Variants in DDX39A observed in about 807,000 individuals in gnomAD.
DDX39A encodes DExD-box helicase 39A.
DDX39A carries 13 observed loss-of-function variants against 46.3 expected under a neutral mutation model. The observed-to-expected ratio is 0.28, with a 90% confidence interval of 0.18 to 0.45. The LOEUF is 0.45. DDX39A is among the 20% of genes least tolerant of loss of function. The pLI, the probability that DDX39A is intolerant of heterozygous loss-of-function variation, is 1.00. For missense variants in DDX39A, 352 were observed against 581.8 expected (o/e 0.61, Z 4.06); for synonymous variants, 234 against 224.6 (o/e 1.04, Z -0.38).
At chr19:14,419,040 G>GCGGGCCC in intron 1 of DDX39A, 1 of 453,696 alleles carries the variant, frequency 2.2e-6, no homozygotes, top group Non-Finnish European at 4.4e-6. Flanking sequence ...CCTCCGAGAA[G>GCGGGCCC]CGGGCCCCGA....
At chr19:14,418,328 G>T (rs949102721) in intron 1 of DDX39A, among the ~76,000 whole-genome samples, 2 of 152,160 alleles carry the variant, frequency 1.3e-5, no homozygotes, top group Non-Finnish European at 2.9e-5. Flanking sequence ...GAACTTGAAA[G>T]GTGACAGCGG....
chr19:14,412,413 C>T lies in DDX39A; in HGVS notation c.336+138G>A, dbSNP rs530535597. On this transcript the variant is annotated intron_variant, in intron 3 of 10. Coordinates refer to ENST00000242776, the MANE Select transcript of DDX39A (RefSeq NM_005804.4). The surrounding 1 kb of genome is among the most constrained non-coding windows in gnomAD (Gnocchi z 4.4). ...GTGTGATCATAGCACACTGCAGCCT[C>T]GACTTCCTGGGCTCAAGCAATCCTC... 62 of 1,251,048 alleles carry T rather than the reference C, an allele frequency of 5.0e-5. No homozygotes were observed. Among genetic ancestry groups the T allele is most frequent in the South Asian group, 7.2e-5 (5 of 69,560 alleles). 77.5% of individuals were successfully genotyped at this position (1,251,048 alleles called of 1,614,324 possible).
chr19:14,411,442 G>A lies in DDX39A; in HGVS notation c.429+64C>T, dbSNP rs1052341673. On this transcript the variant is annotated intron_variant, in intron 4 of 10. Transcript: ENST00000242776. This position sits in a 1 kb window ranked among gnomAD's most constrained non-coding sequence, Gnocchi z 4.1. ...CTTGGTAAATGCTGGCTGGGCCAGA[G>A]CCGAGGCTAACAAAGCTGCAGAAAC... 2.7e-6 allele frequency: 4 copies of A among 1,491,462 alleles called. No homozygotes were observed. Among genetic ancestry groups the A allele is most frequent in the Non-Finnish European group, 3.7e-6 (4 of 1,070,274 alleles). 92.4% of individuals were successfully genotyped at this position (1,491,462 alleles called of 1,614,324 possible). A position where few individuals can be genotyped will look rare whatever the true frequency, so the allele number is the denominator to read the frequency against.
chr19:14,419,029 C>G, intron 1 of DDX39A: 1 of 455,020 alleles, frequency 2.2e-6, no homozygotes, highest in Non-Finnish European at 4.4e-6. Flanking sequence ...CCATGACAGC[C>G]CCTCCGAGAA....
Position 14,412,472 on chromosome 19 carries a change from G to A in DDX39A, c.336+79C>T. 5 of 1,534,006 alleles carry A rather than the reference G, an allele frequency of 3.3e-6. No homozygotes were observed. Among genetic ancestry groups the A allele is most frequent in the Non-Finnish European group, 3.5e-6 (4 of 1,141,396 alleles). ...GCTTCCCAAAGCACTGGGCTAACAG[G>A]TGTGAGCCACCCCATCCAGCCTACT... On this transcript the variant is annotated intron_variant, in intron 3 of 10. Coordinates refer to ENST00000242776, the MANE Select transcript of DDX39A (RefSeq NM_005804.4). The surrounding 1 kb of genome is among the most constrained non-coding windows in gnomAD (Gnocchi z 4.4).
chr19:14,409,059 C>T lies in DDX39A; in HGVS notation c.1245G>A (p.Glu415=). 1 of 1,614,228 alleles carries T rather than the reference C, an allele frequency of 6.2e-7. No homozygotes were observed. The highest frequency in any genetic ancestry group is 8.5e-7 in the Non-Finnish European group (1 of 1,180,046). ...RFEVNVAELP[E]EIDISTYIEQ... ...TACTGTATGTGGAGATGTCGATTTC[C>T]TCTGGAAGTTCTGCCACATTAACTT... Residue 415 remains glutamate (E), a synonymous_variant, in exon 10 of 11, where the codon GAG becomes GAA. Transcript: ENST00000242776. This position sits in a 1 kb window ranked among gnomAD's most constrained non-coding sequence, Gnocchi z 8.3.
Position 14,409,937 on chromosome 19 carries a change from A to G in DDX39A, c.733-64T>C. The stretch of plus-strand genomic sequence containing the variant: ...ACCTCTGGGCATCTCGCCTGCCCAG[A>G]ACCTTCCAGTGGGCGACTCCTTTGT... On this transcript the variant is annotated intron_variant, in intron 6 of 10. Transcript: ENST00000242776. This position sits in a 1 kb window ranked among gnomAD's most constrained non-coding sequence, Gnocchi z 8.3. The G allele has an allele frequency of 1.3e-6, 2 of 1,597,902 alleles. No individual in the cohort carries two copies. The highest frequency in any genetic ancestry group is 2.2e-5 in the South Asian group (2 of 90,436).
chr19:14,410,501 G>T lies in DDX39A; in HGVS notation c.614-167C>A. 1.6e-6 allele frequency: 1 copy of T among 645,096 alleles called. No homozygotes were observed. Among genetic ancestry groups the T allele is most frequent in the East Asian group, 2.7e-5 (1 of 36,560 alleles). The allele number at this position is 645,096 out of a possible 1,614,324, so 40.0% of individuals were successfully genotyped here. On this transcript the variant is annotated intron_variant, in intron 5 of 10. Coordinates refer to ENST00000242776, the MANE Select transcript of DDX39A (RefSeq NM_005804.4). The surrounding 1 kb of genome is among the most constrained non-coding windows in gnomAD (Gnocchi z 4.3). ...CCAGTCCTGGTGCCTGAGGGGCTGGGGGGTGGCCAGCGAGCGCAGGCGCGG... is the reference window on the plus strand; with the variant it reads ...CCAGTCCTGGTGCCTGAGGGGCTGGTGGGTGGCCAGCGAGCGCAGGCGCGG...
Position 14,409,779 on chromosome 19 carries a change from T to C in DDX39A, c.827A>G (p.Lys276Arg). The C allele has an allele frequency of 6.2e-7, 1 of 1,614,140 alleles. No individual in the cohort carries two copies. The highest frequency in any genetic ancestry group is 8.5e-7 in the Non-Finnish European group (1 of 1,180,026). ...VKLKDSEKNRKLFDLLDVLEF... is the reference protein window; with the variant it reads ...VKLKDSEKNRRLFDLLDVLEF... ...CAGCACATCCAAGAGATCAAAGAGCTTGCGGTTCTTCTCACTGTCTTTGAG... is the reference window on the plus strand; with the variant it reads ...CAGCACATCCAAGAGATCAAAGAGCCTGCGGTTCTTCTCACTGTCTTTGAG... The change falls in exon 7 of 11, where the codon AAG becomes AGG. Residue 276 changes from lysine (K) to arginine (R), a missense_variant. By Grantham distance (26) the Lys-to-Arg change is conservative (BLOSUM62 2). This residue lies in a region of DDX39A where 301 missense variants were observed against 469.9 expected (regional missense o/e 0.64). Transcript: ENST00000242776. This position sits in a 1 kb window ranked among gnomAD's most constrained non-coding sequence, Gnocchi z 8.3.
rs1334666092 is a variant in DDX39A, at chr19:14,412,921, C to T, written c.208+92G>A. 10 of 1,446,116 alleles carry T rather than the reference C, an allele frequency of 6.9e-6. No homozygotes were observed. Among genetic ancestry groups the T allele is most frequent in the South Asian group, 2.6e-5 (2 of 76,518 alleles). The allele number at this position is 1,446,116 out of a possible 1,614,324, so 89.6% of individuals were successfully genotyped here. On this transcript the variant is annotated intron_variant, in intron 2 of 10. Coordinates refer to ENST00000242776, the MANE Select transcript of DDX39A (RefSeq NM_005804.4). The surrounding 1 kb of genome is among the most constrained non-coding windows in gnomAD (Gnocchi z 4.4). ...GACAGACGGGCCCCTCCCTCACCCA[C>T]GGCAAACTGGAGGCGGCACCGCTCT...
chr19:14,412,795 G>C lies in DDX39A; in HGVS notation c.209-117C>G. 1 of 1,419,984 alleles carries C rather than the reference G, an allele frequency of 7.0e-7. No homozygotes were observed. The highest frequency in any genetic ancestry group is 9.5e-7 in the Non-Finnish European group (1 of 1,055,358). 88.0% of individuals were successfully genotyped at this position (1,419,984 alleles called of 1,614,324 possible). On this transcript the variant is annotated intron_variant, in intron 2 of 10. Transcript: ENST00000242776. The surrounding 1 kb of genome is among the most constrained non-coding windows in gnomAD (Gnocchi z 4.4). The stretch of plus-strand genomic sequence containing the variant: ...ATCAGAAGAGGCCGAGTCCGGACAA[G>C]GCCACAGACACCTGCAGGGCTGGGG...
chr19:14,413,339 G>T, intron 1 of DDX39A, 115 bp from the exon 2 acceptor site: 7 of 941,568 alleles, frequency 7.4e-6, no homozygotes, highest in Non-Finnish European at 1.1e-5. Context: ...GCTCTACCTG[G>T]GCTGCACCTC....
Position 14,411,692 on chromosome 19 carries a change from C to T in DDX39A, c.337-94G>A. ...ACCCAACCCAGTCCCCCTGACACTG[C>T]ACCCAACATCACAGGCCATTTGAAG... On this transcript the variant is annotated intron_variant, in intron 3 of 10. Transcript: ENST00000242776. This position sits in a 1 kb window ranked among gnomAD's most constrained non-coding sequence, Gnocchi z 4.1. 1.8e-6 allele frequency: 2 copies of T among 1,099,578 alleles called. No individual in the cohort carries two copies. The highest frequency in any genetic ancestry group is 1.3e-5 in the South Asian group (1 of 75,206). The allele number at this position is 1,099,578 out of a possible 1,614,324, so 68.1% of individuals were successfully genotyped here.
chr19:14,415,866 G>A, intron 1 of DDX39A: 1 of 159,216 alleles, frequency 6.3e-6, no homozygotes, highest in Non-Finnish European at 1.4e-5. Context: ...GAGGTCAGGA[G>A]TCCAGGACCA....
rs1220417267 is a variant in DDX39A, at chr19:14,408,843, A to G, written c.*93T>C. 1 of 1,497,662 alleles carries G rather than the reference A, an allele frequency of 6.7e-7. No individual in the cohort carries two copies. The highest frequency in any genetic ancestry group is 8.9e-7 in the Non-Finnish European group (1 of 1,119,336). The allele number at this position is 1,497,662 out of a possible 1,614,324, so 92.8% of individuals were successfully genotyped here. ...CTTCCATAATAACAAGTTTATTCTC[A>G]TACAATCTCTAGCTTCTCAACAGTG... On this transcript the variant is annotated 3_prime_UTR_variant, in exon 11 of 11. Transcript: ENST00000242776.
chr19:14,409,046 A>C lies in DDX39A; in HGVS notation c.1258T>G (p.Ser420Ala). The C allele has an allele frequency of 6.2e-7, 1 of 1,614,198 alleles. No individual in the cohort carries two copies. Among genetic ancestry groups the C allele is most frequent in the Non-Finnish European group, 8.5e-7 (1 of 1,180,032 alleles). Residue 420 changes from serine (S) to alanine (A), a missense_variant, in exon 10 of 11, where the codon TCC (serine) becomes GCC (alanine). Ser to Ala is a moderately conservative substitution (Grantham distance 99). This residue lies in a region of DDX39A where 301 missense variants were observed against 469.9 expected (regional missense o/e 0.64). Transcript: ENST00000242776. The surrounding 1 kb of genome is among the most constrained non-coding windows in gnomAD (Gnocchi z 8.3). The part of the protein sequence containing the change: ...VAELPEEIDI[S>A]TYIEQSR The stretch of plus-strand genomic sequence containing the variant: ...TGCCCAAGGCACTTACTGTATGTGG[A>C]GATGTCGATTTCCTCTGGAAGTTCT...
intron 1 of DDX39A, among the ~76,000 whole-genome samples, chr19:14,415,253 TTC>T (rs1976763623): frequency 6.6e-6 from 1 of 152,158 alleles, no homozygotes; most frequent in Non-Finnish European, 1.5e-5. Flanking sequence ...TCTGGCTTCT[TTC>T]ACTCAGCACA....
intron 1 of DDX39A, among the ~76,000 whole-genome samples, chr19:14,415,464 T>C (rs1976773931): frequency 6.6e-6 from 1 of 151,938 alleles, no homozygotes; most frequent in Non-Finnish European, 1.5e-5. Flanking sequence ...CCACCACTAA[T>C]TTTTGTATTT....
intron 1 of DDX39A, chr19:14,414,118 A>G (rs1057187099): frequency 3.9e-5 from 6 of 152,046 alleles, no homozygotes; most frequent in East Asian, 1.9e-4. Flanking sequence ...AGCTGCTACA[A>G]TTCTTCCTGA....
Sources: gnomAD v4.1 joint callset for allele counts (sites outside exome capture counted in the v4.1 genomes callset) on GRCh38, gnomAD v4.1.1 for gene constraint, gnomAD v4.1.1 regional missense constraint, Gnocchi (gnomAD v3.1) non-coding constraint, MANE v1.5 for transcripts, NCBI Gene and HGNC (gene_info 2026-07-23, HGNC 2026-07-21) for gene names.